ACER3: variants seen among roughly 807,000 people sequenced by gnomAD.
The protein encoded by ACER3 is alkaline ceramidase 3, also known as alkCDase 3.
ACER3 carries 16 observed loss-of-function variants against 48.9 expected under a neutral mutation model. That is an observed-to-expected ratio of 0.33 (90% CI 0.22 to 0.50). ACER3 has a LOEUF of 0.50. Ranked by LOEUF, ACER3 falls within the 20% of genes least tolerant of loss-of-function variation. The pLI, the probability that ACER3 is intolerant of heterozygous loss-of-function variation, is 0.98. For missense variants in ACER3, 227 were observed against 326.0 expected (o/e 0.70, Z 2.34); for synonymous variants, 109 against 107.8 (o/e 1.01, Z -0.07).
chr11:77,025,759 T>C lies in ACER3; in HGVS notation c.*5432T>C, dbSNP rs1371868480. ...AAAGAAGAATATGCAACAGAAACTG[T>C]ATGTAGCCTGCAAAGCCTAAAATGT... is the stretch of plus-strand genomic sequence containing the variant. On this transcript the variant is annotated 3_prime_UTR_variant, in exon 11 of 11. Coordinates refer to ENST00000532485, the MANE Select transcript of ACER3 (RefSeq NM_018367.7). 1 of 152,186 alleles carries C rather than the reference T, an allele frequency of 6.6e-6. No homozygotes were observed. Among genetic ancestry groups the C allele is most frequent in the African/African-American group, 2.4e-5 (1 of 41,442 alleles). 9.4% of individuals were successfully genotyped at this position (152,186 alleles called of 1,614,324 possible).
chr11:76,890,924 C>T (rs550786263), intron 1 of ACER3, among the ~76,000 whole-genome samples: 5 of 151,846 alleles, frequency 3.3e-5, no homozygotes, highest in East Asian at 1.9e-4. Flanking sequence ...GTTCGAGACC[C>T]GTGGCCAATA....
Position 76,968,959 on chromosome 11 carries a change from G to A in ACER3, c.268-7330G>A, listed in dbSNP as rs1421525047. On this transcript the variant is annotated intron_variant, in intron 3 of 10. Coordinates refer to ENST00000532485, the MANE Select transcript of ACER3 (RefSeq NM_018367.7). ...TTGACAAATGGGATCTAATTAAACT[G>A]AAGAGCTTCTGCACAGCAAAAGAAA... Among the ~76,000 whole-genome samples, 6 of 152,010 alleles carry A rather than the reference G, an allele frequency of 3.9e-5. No homozygotes were observed. In the East Asian group the frequency reaches 1.2e-3, roughly 29 times the overall value.
intron 1 of ACER3, among the ~76,000 whole-genome samples, chr11:76,875,075 G>GA (rs1945335018): frequency 7.4e-6 from 1 of 134,304 alleles, no homozygotes; most frequent in African/African-American, 2.6e-5. Flanking sequence ...AAAGCATAAA[G>GA]ACCAAATTCT....
intron 6 of ACER3, among the ~76,000 whole-genome samples, chr11:76,998,052 A>G (rs548699487): frequency 1.0e-3 from 152 of 152,142 alleles, no homozygotes; most frequent in Admixed American, 2.7e-3. Context: ...CACATGCAGC[A>G]CTTCTTGGGG....
rs978738125 is a variant in ACER3, at chr11:77,020,531, C to T, written c.*204C>T. The T allele has an allele frequency of 1.5e-5, 8 of 545,588 alleles. No individual in the cohort carries two copies. Among genetic ancestry groups the T allele is most frequent in the Non-Finnish European group, 2.3e-5 (7 of 307,870 alleles). 33.8% of individuals were successfully genotyped at this position (545,588 alleles called of 1,614,324 possible). The stretch of plus-strand genomic sequence containing the variant: ...GCTCATGGCTTTATCTTATTTGTCC[C>T]CCTCCTCCTTTCACGCTCCAGTTTA... On this transcript the variant is annotated 3_prime_UTR_variant, in exon 11 of 11. Coordinates refer to ENST00000532485, the MANE Select transcript of ACER3 (RefSeq NM_018367.7).
At chr11:76,975,109 G>A (rs531502272) in intron 3 of ACER3, among the ~76,000 whole-genome samples, 2 of 152,040 alleles carry the variant, frequency 1.3e-5, no homozygotes, top group African/African-American at 4.8e-5. Flanking sequence ...GCCTTTCTCC[G>A]CCACCCCATT....
intron 2 of ACER3, among the ~76,000 whole-genome samples, chr11:76,947,809 T>G (rs2134960603): frequency 6.6e-6 from 1 of 152,330 alleles, no homozygotes; most frequent in South Asian, 2.1e-4. Context: ...ATAGCTCCAG[T>G]ACTTGTGCAT....
In ACER3 at chr11:77,020,498, G is replaced by C. The variant is rs1949455361; in HGVS notation, c.*171G>C. ...AGAGAATAAGGAGTAGGGCCTGCTGGGTGTTTAGCTCATGGCTTTATCTTA... is the reference window on the plus strand; with the variant it reads ...AGAGAATAAGGAGTAGGGCCTGCTGCGTGTTTAGCTCATGGCTTTATCTTA... On this transcript the variant is annotated 3_prime_UTR_variant, in exon 11 of 11. Transcript: ENST00000532485. 6 of 644,692 alleles carry C rather than the reference G, an allele frequency of 9.3e-6. No homozygotes were observed. Among genetic ancestry groups the C allele is most frequent in the African/African-American group, 1.8e-5 (1 of 54,208 alleles). 39.9% of individuals were successfully genotyped at this position (644,692 alleles called of 1,614,324 possible).
intron 2 of ACER3, among the ~76,000 whole-genome samples, chr11:76,946,673 C>G (rs1291688016): frequency 6.6e-6 from 1 of 152,178 alleles, no homozygotes; most frequent in African/African-American, 2.4e-5. Context: ...CCCAGGGGTA[C>G]ATGGGAGCAC....
At chr11:76,911,405 T>G (rs544268756) in intron 1 of ACER3, among the ~76,000 whole-genome samples, 30 of 152,296 alleles carry the variant, frequency 2.0e-4, no homozygotes, top group South Asian at 4.1e-4. Context: ...ATAATTAGCA[T>G]ATGATTAGCA....
intron 7 of ACER3, among the ~76,000 whole-genome samples, chr11:77,010,814 G>T (rs951762677): frequency 1.3e-5 from 2 of 152,154 alleles, no homozygotes; most frequent in African/African-American, 4.8e-5. Flanking sequence ...ATTGAAACTA[G>T]AAGACCAATG....
rs1486739861 is a variant in ACER3 at position 76,907,164 on chromosome 11, T to C, written c.104-19393T>C. Among the ~76,000 whole-genome samples, 3 of 152,336 alleles carry C rather than the reference T, an allele frequency of 2.0e-5. No homozygotes were observed. The East Asian group carries it at 5.8e-4, about 29-fold the overall frequency. On this transcript the variant is annotated intron_variant, in intron 1 of 10. Coordinates refer to ENST00000532485, the MANE Select transcript of ACER3 (RefSeq NM_018367.7). The stretch of plus-strand genomic sequence containing the variant: ...TTATTTAAAGCTTCTCCTATCACTT[T>C]AAAGTGAATCCCTCCAATGAGGTAC...
intron 1 of ACER3, among the ~76,000 whole-genome samples, chr11:76,871,668 A>G (rs1945243767): frequency 6.6e-6 from 1 of 152,166 alleles, no homozygotes; most frequent in African/African-American, 2.4e-5. Flanking sequence ...ATAGATGGCA[A>G]ATGTTTCCTA....
chr11:76,975,339 A>G lies in ACER3; in HGVS notation c.268-950A>G, dbSNP rs115219622. On this transcript the variant is annotated intron_variant, in intron 3 of 10. Coordinates refer to ENST00000532485, the MANE Select transcript of ACER3 (RefSeq NM_018367.7). ...ATTAATTAAATGTGTATCTAGTAAT[A>G]AATAAACTCTAAGATTGGTATCTAC... Among the ~76,000 whole-genome samples the G allele has an allele frequency of 5.1e-3, 773 of 152,306 alleles. 7 individuals are homozygous for G. The highest frequency in any genetic ancestry group is 0.017 in the African/African-American group (727 of 41,572).
chr11:76,929,655 T>A (rs1205711439), intron 2 of ACER3, among the ~76,000 whole-genome samples: 2 of 152,228 alleles, frequency 1.3e-5, no homozygotes, highest in Non-Finnish European at 2.9e-5. Context: ...TAATACCTAA[T>A]TTATTGAGAG....
chr11:76,938,019 G>A (rs922715600), intron 2 of ACER3, among the ~76,000 whole-genome samples: 6 of 152,014 alleles, frequency 3.9e-5, no homozygotes, highest in African/African-American at 1.2e-4. Context: ...TTTGTTTGTC[G>A]TGGTTGTTGT....
chr11:76,924,973 C>CAAAAAAAAAAAAA, intron 1 of ACER3, among the ~76,000 whole-genome samples: 1 of 78,590 alleles, frequency 1.3e-5, no homozygotes, highest in Non-Finnish European at 2.7e-5. Flanking sequence ...AAGACTCTGT[C>CAAAAAAAAAAAAA]AAAAAAAAAA....
intron 1 of ACER3, among the ~76,000 whole-genome samples, chr11:76,864,896 G>C (rs1000423442): frequency 6.7e-6 from 1 of 148,182 alleles, no homozygotes. Context: ...TCCATGCCCA[G>C]TTGTCTTTTT....
At chr11:76,863,202 G>A (rs1245059317) in intron 1 of ACER3, among the ~76,000 whole-genome samples, 1 of 152,178 alleles carries the variant, frequency 6.6e-6, no homozygotes, top group African/African-American at 2.4e-5. Flanking sequence ...ACTCCAGCCT[G>A]GGCAAGAGTT....
Sources: gnomAD v4.1 joint callset for allele counts (sites outside exome capture counted in the v4.1 genomes callset) on GRCh38, gnomAD v4.1.1 for gene constraint, MANE v1.5 for transcripts, NCBI Gene and HGNC (gene_info 2026-07-23, HGNC 2026-07-21) for gene names.